Variants in CALB2 observed in about 807,000 individuals in gnomAD.
CALB2 encodes calbindin 2, also known as calretinin.
Under a neutral mutation model 45.9 loss-of-function variants are expected in CALB2, and 34 were observed. The observed-to-expected ratio is 0.74, with a 90% confidence interval of 0.56 to 0.99. The LOEUF is 0.99. Among genes scored for constraint, CALB2 ranks in the 50% least tolerant of loss-of-function variants. CALB2 has a pLI of 0.00. For synonymous variants in CALB2, 142 were observed against 129.6 expected (o/e 1.10, Z -0.65); for missense variants, 344 against 339.3 (o/e 1.01, Z -0.11).
rs1254477489 is a variant in CALB2, at chr16:71,374,773, A to G, written c.200A>G (p.Lys67Arg). The G allele has an allele frequency of 1.9e-6, 3 of 1,613,410 alleles. No individual in the cohort carries two copies. The African/African-American group carries it at 4.0e-5, about 22-fold the overall frequency. ...MMSKSDNFGE[K>R]MKEFMQKYDK... ...TCAAAGAGTGACAACTTTGGAGAAA[A>G]GATGAAGGAGTTCATGCAGAAGTAT... Residue 67 changes from lysine to arginine, a missense_variant, in exon 3 of 11, where the codon AAG becomes AGG. Around this residue, in one of 3 missense-constraint regions of CALB2, gnomAD observed 77 missense variants for 80.5 expected, o/e 0.96. Transcript: ENST00000302628.
Position 71,366,022 on chromosome 16 carries a change from C to CTTTTTTTTTTTTTTTTTTTTTTT in CALB2, c.95-6130_95-6129insTTTTTTTTTTTTTTTTTTTTTTT, listed in dbSNP as rs1447467571. Among the ~76,000 whole-genome samples, 490 of 50,438 alleles carry CTTTTTTTTTTTTTTTTTTTTTTT rather than the reference C, an allele frequency of 9.7e-3. 129 individuals carry two copies. Among genetic ancestry groups the CTTTTTTTTTTTTTTTTTTTTTTT allele is most frequent in the Admixed American group, 0.015 (44 of 2,896 alleles). The allele number at this position is 50,438 out of a possible 152,430, so 33.1% of individuals were successfully genotyped here. On this transcript the variant is annotated intron_variant, in intron 1 of 10. Coordinates refer to ENST00000302628, the MANE Select transcript of CALB2 (RefSeq NM_001740.5). ...TTTCTTTGTTTTCTTCCCTCTCTCT[C>CTTTTTTTTTTTTTTTTTTTTTTT]TCTTTTTTTTTTTTTTTTTTTTGAG...
Position 71,359,013 on chromosome 16 carries a change from T to C in CALB2, c.94+127T>C, listed in dbSNP as rs1385183210. 6.5e-6 allele frequency: 5 copies of C among 770,186 alleles called. No homozygotes were observed. The African/African-American group carries it at 6.9e-5, about 11-fold the overall frequency. The allele number at this position is 770,186 out of a possible 1,614,324, so 47.7% of individuals were successfully genotyped here. On this transcript the variant is annotated intron_variant, in intron 1 of 10. Transcript: ENST00000302628. ...CAGGAGGTGGTCTGGTCGCAGAGCC[T>C]GCTGGGGTAGTGGTCCCGGGTTTGG...
chr16:71,371,566 C>A (rs2042351099), intron 1 of CALB2, among the ~76,000 whole-genome samples: 1 of 152,162 alleles, frequency 6.6e-6, no homozygotes, highest in Non-Finnish European at 1.5e-5. Flanking sequence ...TTGGCTTGTA[C>A]ACACATCACA....
chr16:71,383,847 C>A (rs559642754), intron 6 of CALB2, 123 bp from the exon 7 acceptor site: 89 of 1,132,386 alleles, frequency 7.9e-5, no homozygotes, highest in Non-Finnish European at 1.1e-4. Flanking sequence ...TTGGCCCCTA[C>A]GGACCTCAGA....
At chr16:71,382,114 A>AAACGAAGAAG in intron 4 of CALB2, among the ~76,000 whole-genome samples, 2 of 89,356 alleles carry the variant, frequency 2.2e-5, no homozygotes, top group Non-Finnish European at 5.6e-5. Flanking sequence ...GGAAGGGAAG[A>AAACGAAGAAG]AAGGAAGAAA....
At chr16:71,382,474 G>T (rs113929341) in intron 4 of CALB2, among the ~76,000 whole-genome samples, 143 of 152,360 alleles carry the variant, frequency 9.4e-4, no homozygotes, top group African/African-American at 3.3e-3. Flanking sequence ...CGATGGTCAA[G>T]AATTTGGAAA....
chr16:71,371,585 T>C (rs557144647), intron 1 of CALB2, among the ~76,000 whole-genome samples: 1 of 152,290 alleles, frequency 6.6e-6, no homozygotes, highest in Non-Finnish European at 1.5e-5. Context: ...CACTGGCCTC[T>C]GCCTCCATCT....
chr16:71,362,066 C>T (rs552026324), intron 1 of CALB2, among the ~76,000 whole-genome samples: 1 of 152,332 alleles, frequency 6.6e-6, no homozygotes, highest in Admixed American at 6.5e-5. Flanking sequence ...GTCTAGGGCT[C>T]TTCCGAACAT....
chr16:71,388,405 GGAAA>G (rs965314034), intron 10 of CALB2, among the ~76,000 whole-genome samples: 13 of 151,702 alleles, frequency 8.6e-5, no homozygotes, highest in Non-Finnish European at 1.6e-4. Context: ...TGGGGGAGAA[GGAAA>G]GAAAGAAAAG....
chr16:71,378,224 C>CA (rs957251212), intron 4 of CALB2, among the ~76,000 whole-genome samples: 2 of 151,058 alleles, frequency 1.3e-5, no homozygotes, highest in Non-Finnish European at 2.9e-5. Flanking sequence ...GACTCCGTCT[C>CA]AAAAAAAGAA....
chr16:71,382,172 A>T, intron 4 of CALB2, among the ~76,000 whole-genome samples: 1 of 144,102 alleles, frequency 6.9e-6, no homozygotes, highest in African/African-American at 3.0e-5. Flanking sequence ...AAAGGAAGGA[A>T]GGAACGAAAG....
chr16:71,369,610 C>T (rs1042653306), intron 1 of CALB2, among the ~76,000 whole-genome samples: 7 of 152,142 alleles, frequency 4.6e-5, no homozygotes, highest in Non-Finnish European at 7.3e-5. Flanking sequence ...CTCCTGTGTC[C>T]GCCCAGCCCT....
chr16:71,389,718 C>T, intron 10 of CALB2, 31 bp from the exon 11 acceptor site: 1 of 1,549,174 alleles, frequency 6.5e-7, no homozygotes, highest in Non-Finnish European at 8.9e-7. Context: ...ATCCCCTGAA[C>T]CTGCTCTTAC....
chr16:71,380,292 CTTTTTTTTTTTTTTTTTTTTTTT>C (rs544138378), intron 4 of CALB2, among the ~76,000 whole-genome samples: 2 of 43,798 alleles, frequency 4.6e-5, no homozygotes, highest in African/African-American at 1.7e-4. Context: ...CCTTCCTTTT[CTTTTTTTTTTTTTTTTTTTTTTT>C]TTTTTTTTTT....
At chr16:71,379,178 G>A (rs1172679901) in intron 4 of CALB2, among the ~76,000 whole-genome samples, 1 of 152,080 alleles carries the variant, frequency 6.6e-6, no homozygotes, top group South Asian at 2.1e-4. Flanking sequence ...TCAGGAGGCT[G>A]AGGCAGGAGA....
At position 71,388,346 on chromosome 16, in the gene CALB2, A is replaced by AAAG. The variant is rs1555527412; in HGVS notation, c.700-1401_700-1400insGAA. Among the ~76,000 whole-genome samples the AAAG allele has an allele frequency of 4.5e-3, 617 of 137,070 alleles. 6 individuals are homozygous for AAAG. The highest frequency in any genetic ancestry group is 0.025 in the South Asian group (96 of 3,876). The allele number at this position is 137,070 out of a possible 152,430, so 89.9% of individuals were successfully genotyped here. A position where few individuals can be genotyped will look rare whatever the true frequency, so the allele number is the denominator to read the frequency against. On this transcript the variant is annotated intron_variant, in intron 10 of 10. Transcript: ENST00000302628. Reference sequence around the variant, plus strand: ...CAAGACCTTATCTCAAAAAAAAAAAAAAAAAGAAAAAGAAAAAGAAAAAGA... The same window carrying AAAG: ...CAAGACCTTATCTCAAAAAAAAAAAAAAGAAAAAGAAAAAGAAAAAGAAAAAGA...
rs1052343804 is a variant in CALB2, at chr16:71,385,420, A to T, written c.628-157A>T. On this transcript the variant is annotated intron_variant, in intron 9 of 10. Coordinates refer to ENST00000302628, the MANE Select transcript of CALB2 (RefSeq NM_001740.5). Reference sequence around the variant, plus strand: ...GCCACCTTCCTGCCATGACTGGTTAAGGCAGAAGGGACACATTATTTTGTC... The same window carrying T: ...GCCACCTTCCTGCCATGACTGGTTATGGCAGAAGGGACACATTATTTTGTC... 5.5e-6 allele frequency: 3 copies of T among 541,126 alleles called. No homozygotes were observed. In the African/African-American group the frequency reaches 5.7e-5, roughly 10 times the overall value. 33.5% of individuals were successfully genotyped at this position (541,126 alleles called of 1,614,324 possible).
At chr16:71,380,292 C>CTTTTTTTTTTTTTT (rs544138378) in intron 4 of CALB2, among the ~76,000 whole-genome samples, 2 of 43,818 alleles carry the variant, frequency 4.6e-5, no homozygotes, top group African/African-American at 8.2e-5. Context: ...CCTTCCTTTT[C>CTTTTTTTTTTTTTT]TTTTTTTTTT....
At chr16:71,374,876 C>A in intron 3 of CALB2, 42 bp downstream of exon 3, 1 of 1,373,682 alleles carries the variant, frequency 7.3e-7, no homozygotes, top group Non-Finnish European at 1.0e-6. Flanking sequence ...TGGGAGGGGC[C>A]CTGGGTCCCT....
Sources: gnomAD v4.1 joint callset for allele counts (sites outside exome capture counted in the v4.1 genomes callset) on GRCh38, gnomAD v4.1.1 for gene constraint, gnomAD v4.1.1 regional missense constraint, MANE v1.5 for transcripts, NCBI Gene and HGNC (gene_info 2026-07-23, HGNC 2026-07-21) for gene names.